C22orf31: variants seen among roughly 807,000 people sequenced by gnomAD.
C22orf31 encodes the protein uncharacterized protein C22orf31.
In C22orf31, 11 loss-of-function variants were observed where a neutral mutation model predicts 15.0. The observed-to-expected ratio is 0.73, with a 90% CI of 0.46 to 1.21. C22orf31 has a LOEUF of 1.21. C22orf31 is among the 50% of genes most tolerant of loss of function. C22orf31 has a pLI of 0.00. For synonymous variants in C22orf31, 132 were observed against 133.3 expected (o/e 0.99, Z 0.07); for missense variants, 340 against 347.2 (o/e 0.98, Z 0.17).
rs779332219 is a variant in C22orf31, at chr22:29,060,595, T to C, written c.252A>G (p.Gln84=). ...GTGGTGGGCAGCACTTATTCTTCAG[T>C]TGCCGCCTGAGTACAAGCTTAACCA... ...FSLVKLVLRR[Q]LKNKCCPPPC... is the part of the protein sequence containing the mutation. Residue 84 remains glutamine, a synonymous_variant, in exon 2 of 3, where the codon CAA becomes CAG. Transcript: ENST00000216071. 5.0e-6 allele frequency: 8 copies of C among 1,614,192 alleles called. No individual in the cohort carries two copies. The highest frequency in any genetic ancestry group is 1.7e-5 in the Admixed American group (1 of 60,020).
Position 29,061,787 on chromosome 22 carries a change from T to C in C22orf31, c.3+3A>G, listed in dbSNP as rs1202278764. On this transcript the variant is annotated splice_donor_region_variant and intron_variant, in intron 1 of 2. Transcript: ENST00000216071. The stretch of plus-strand genomic sequence containing the variant: ...GTCATCTATAGAAATAAAATCACCT[T>C]ACCATATTTCAGTTGCCTTAAATTT... 3.9e-6 allele frequency: 6 copies of C among 1,541,916 alleles called. No individual in the cohort carries two copies. The highest frequency in any genetic ancestry group is 4.4e-6 in the Non-Finnish European group (5 of 1,125,644).
the C22orf31 span, chr22:29,073,205 C>T: frequency 8.4e-7 from 1 of 1,185,356 alleles, no homozygotes; most frequent in Admixed American, 4.5e-5. This position sits in a 1 kb window ranked among gnomAD's most constrained non-coding sequence, Gnocchi z 4.4. Flanking sequence ...CCGCGCCTAG[C>T]CCCGGCCTCG....
At position 29,058,753 on chromosome 22, in the gene C22orf31, T is replaced by C. The variant is rs201625218; in HGVS notation, c.862A>G (p.Ser288Gly). ...ATGAGTTCTTGTTCCTATTTTTTGC[T>C]CTTTAACTTGGGCCATTTCTTGAGT... ...PVLKKWPKLKSKK is the reference protein window; with the variant it reads ...PVLKKWPKLKGKK The change falls in exon 3 of 3, where the codon AGC becomes GGC. Residue 288 changes from serine to glycine, a missense_variant. Ser to Gly is a moderately conservative substitution (Grantham distance 56, BLOSUM62 0). Coordinates refer to ENST00000216071, the MANE Select transcript of C22orf31 (RefSeq NM_015370.2). 3.5e-4 allele frequency: 570 copies of C among 1,606,574 alleles called. No individual in the cohort carries two copies. The highest frequency in any genetic ancestry group is 4.7e-4 in the Non-Finnish European group (555 of 1,177,400).
chr22:29,069,696 G>A, the C22orf31 span, among the ~76,000 whole-genome samples: 2 of 152,136 alleles, frequency 1.3e-5, no homozygotes, highest in Admixed American at 6.6e-5. Flanking sequence ...AGCCTCTTGT[G>A]CACTGTTTCC....
At position 29,060,466 on chromosome 22, in the gene C22orf31, G is replaced by A. The variant is rs2037378355; in HGVS notation, c.381C>T (p.Ser127=). ...TATGCCCTGCTGGCTGCTTGCTCTT[G>A]GAACTGATGAAGTTTCTTTTCCTGG... is the stretch of plus-strand genomic sequence containing the variant. ...QQARKRNFIS[S]KSKQPAGHRR... is the part of the protein sequence containing the mutation. Residue 127 remains serine, a synonymous_variant, in exon 2 of 3, where the codon TCC becomes TCT. Transcript: ENST00000216071. 1 of 1,613,876 alleles carries A rather than the reference G, an allele frequency of 6.2e-7. No individual in the cohort carries two copies. The highest frequency in any genetic ancestry group is 2.2e-5 in the East Asian group (1 of 44,878).
rs1490691726 is a variant in C22orf31 at position 29,061,785 on chromosome 22, C to T, written c.3+5G>A. The T allele has an allele frequency of 6.5e-7, 1 of 1,542,150 alleles. No individual in the cohort carries two copies. ...ATGTCATCTATAGAAATAAAATCAC[C>T]TTACCATATTTCAGTTGCCTTAAAT... On this transcript the variant is annotated splice_donor_5th_base_variant and intron_variant, in intron 1 of 2. Transcript: ENST00000216071.
rs141928677 is a variant in C22orf31, at chr22:29,059,123, A to G, written c.492T>C (p.Tyr164=). 13 of 1,614,052 alleles carry G rather than the reference A, an allele frequency of 8.1e-6. No homozygotes were observed. Among genetic ancestry groups the G allele is most frequent in the Middle Eastern group, 1.6e-4 (1 of 6,062 alleles). The change falls in exon 3 of 3, where the codon TAT becomes TAC. Residue 164 remains tyrosine, a synonymous_variant. Transcript: ENST00000216071. ...CTTGGGTGGCAGCCACATGTTCAGC[A>G]TATCTGTCCTCAAGATCTTGGCGGA... ...LTVRQDLEDR[Y]AEHVAATQAL...
At chr22:29,072,453 C>G in the C22orf31 span, among the ~76,000 whole-genome samples, 76 of 152,244 alleles carry the variant, frequency 5.0e-4, no homozygotes, top group African/African-American at 1.8e-3. Flanking sequence ...TTAGTGCAAG[C>G]GCTCTGAGGA....
At chr22:29,063,630 T>C (rs2037410647), upstream of C22orf31, among the ~76,000 whole-genome samples, 1 of 152,230 alleles carries the variant, frequency 6.6e-6, no homozygotes. Context: ...CAGGGTACTT[T>C]GTTCTAAGCT....
Position 29,061,829 on chromosome 22 carries a change from G to A in C22orf31, c.-37C>T, listed in dbSNP as rs372162055. Reference sequence around the variant, plus strand: ...CTTAAATTTTATTTTCGCTAGCTTAGTAAGGGGAAGAAATATGTATTTTCT... The same window carrying A: ...CTTAAATTTTATTTTCGCTAGCTTAATAAGGGGAAGAAATATGTATTTTCT... On this transcript the variant is annotated 5_prime_UTR_variant, in exon 1 of 3. Transcript: ENST00000216071. 4.0e-6 allele frequency: 6 copies of A among 1,489,896 alleles called. No homozygotes were observed. Among genetic ancestry groups the A allele is most frequent in the African/African-American group, 1.4e-5 (1 of 71,348 alleles). 92.3% of individuals were successfully genotyped at this position (1,489,896 alleles called of 1,614,324 possible).
chr22:29,062,295 G>A (rs2037398904), upstream of C22orf31, among the ~76,000 whole-genome samples: 1 of 152,122 alleles, frequency 6.6e-6, no homozygotes, highest in Non-Finnish European at 1.5e-5. Flanking sequence ...ACATAAAGGA[G>A]GCACTGTTAA....
chr22:29,063,417 T>C (rs755292964), upstream of C22orf31, among the ~76,000 whole-genome samples: 23 of 152,116 alleles, frequency 1.5e-4, no homozygotes, highest in Non-Finnish European at 3.1e-4. Context: ...CCACCCACCT[T>C]GGCCTCCCAA....
Position 29,060,444 on chromosome 22 carries a change from G to C in C22orf31, c.403C>G (p.His135Asp). The C allele has an allele frequency of 6.2e-7, 1 of 1,613,572 alleles. No homozygotes were observed. The highest frequency in any genetic ancestry group is 8.5e-7 in the Non-Finnish European group (1 of 1,179,934). ...CTGATGCCTCCTGCAGGCCTCCTAT[G>C]CCCTGCTGGCTGCTTGCTCTTGGAA... is the stretch of plus-strand genomic sequence containing the variant. Reference protein sequence around the residue: ...ISSKSKQPAGHRRPAGGIRES... With the variant: ...ISSKSKQPAGDRRPAGGIRES... Residue 135 changes from histidine (H) to aspartate (D), a missense_variant, in exon 2 of 3, where the codon CAT becomes GAT. Coordinates refer to ENST00000216071, the MANE Select transcript of C22orf31 (RefSeq NM_015370.2).
the C22orf31 span, among the ~76,000 whole-genome samples, chr22:29,072,025 A>T: frequency 2.9e-4 from 44 of 152,338 alleles, no homozygotes; most frequent in Middle Eastern, 6.8e-3. Context: ...ATGTGATAAG[A>T]TACGGAACCA....
At chr22:29,061,622 C>G (rs1161756708) in intron 1 of C22orf31, among the ~76,000 whole-genome samples, 168 bp downstream of exon 1, 2 of 152,126 alleles carry the variant, frequency 1.3e-5, no homozygotes, top group African/African-American at 4.8e-5. Context: ...ACAGGGAAAT[C>G]AATATACTCT....
the C22orf31 span, among the ~76,000 whole-genome samples, chr22:29,070,489 C>T: frequency 6.6e-6 from 1 of 152,194 alleles, no homozygotes; most frequent in Non-Finnish European, 1.5e-5. Flanking sequence ...TCCTGGGTGC[C>T]CTTCCTATTT....
At chr22:29,073,499 C>T in the C22orf31 span, among the ~76,000 whole-genome samples, 1 of 152,010 alleles carries the variant, frequency 6.6e-6, no homozygotes, top group African/African-American at 2.4e-5. This position sits in a 1 kb window ranked among gnomAD's most constrained non-coding sequence, Gnocchi z 4.4. Flanking sequence ...AGGAGGCCCT[C>T]TCCGCCTTGA....
chr22:29,072,248 G>C, the C22orf31 span, among the ~76,000 whole-genome samples: 3 of 152,098 alleles, frequency 2.0e-5, no homozygotes, highest in East Asian at 5.8e-4. Context: ...GGGCTCAAGC[G>C]ATCCTCCTGC....
At chr22:29,064,469 C>G (rs1312158367), upstream of C22orf31, among the ~76,000 whole-genome samples, 1 of 152,098 alleles carries the variant, frequency 6.6e-6, no homozygotes, top group East Asian at 1.9e-4. Flanking sequence ...CTTGGCATGG[C>G]TCCTGGTGTA....
Sources: gnomAD v4.1 joint callset for allele counts (sites outside exome capture counted in the v4.1 genomes callset) on GRCh38, gnomAD v4.1.1 for gene constraint, Gnocchi (gnomAD v3.1) non-coding constraint, MANE v1.5 for transcripts, NCBI Gene and HGNC (gene_info 2026-07-23, HGNC 2026-07-21) for gene names.